The following SPNS1 variants were observed in gnomAD, a reference collection of about 807,000 sequenced individuals.
SPNS1 encodes protein spinster homolog 1.
A neutral mutation model predicts 50.3 loss-of-function variants in SPNS1; 22 were observed. That is an observed-to-expected ratio of 0.44 (90% CI 0.31 to 0.62). The LOEUF (loss-of-function observed/expected upper bound fraction) is 0.62, where lower values mean the gene tolerates loss of function less well. SPNS1 is among the 20% of genes least tolerant of loss of function. The pLI, the probability that SPNS1 is intolerant of heterozygous loss-of-function variation, is 0.07. For missense variants in SPNS1, 576 were observed against 728.6 expected, an observed-to-expected ratio of 0.79 and a Z score of 2.41; for synonymous variants, 295 against 317.4, an observed-to-expected ratio of 0.93 and a Z score of 0.75.
In SPNS1 at chr16:28,984,468, G is replaced by C. The variant is rs1965689806; in HGVS notation, c.*169G>C. On this transcript the variant is annotated 3_prime_UTR_variant, in exon 12 of 12. Coordinates refer to ENST00000311008, the MANE Select transcript of SPNS1 (RefSeq NM_032038.3). ...GCTCAGGGGAGGAGGTGGGGGTCCA[G>C]GAGGGGGATCCCTCTCCACAGGGGC... The C allele has an allele frequency of 2.7e-6, 2 of 740,390 alleles. No homozygotes were observed. The highest frequency in any genetic ancestry group is 1.5e-5 in the South Asian group (1 of 67,332). The allele number at this position is 740,390 out of a possible 1,614,324, so 45.9% of individuals were successfully genotyped here. A position where few individuals can be genotyped will look rare whatever the true frequency, so the allele number is the denominator to read the frequency against.
chr16:28,982,773 A>T, intron 8 of SPNS1, 84 bp from the exon 9 acceptor site: 1 of 1,479,248 alleles, frequency 6.8e-7, no homozygotes, highest in African/African-American at 1.4e-5. Flanking sequence ...GGATTAAATT[A>T]GTTAATAGAT....
rs1232361364 is a variant in SPNS1 at position 28,974,810 on chromosome 16, C to G, written c.-342C>G. On this transcript the variant is annotated 5_prime_UTR_variant, in exon 1 of 12. Coordinates refer to ENST00000311008, the MANE Select transcript of SPNS1 (RefSeq NM_032038.3). ...CGGCTTTAAGCAACATGGCGGCTGCCGTGGTGCAGCGCCCGGGCTGAGCGA... is the reference window on the plus strand; with the variant it reads ...CGGCTTTAAGCAACATGGCGGCTGCGGTGGTGCAGCGCCCGGGCTGAGCGA... 7.8e-6 allele frequency: 12 copies of G among 1,535,604 alleles called. No homozygotes were observed. The highest frequency in any genetic ancestry group is 5.9e-5 in the Admixed American group (3 of 50,958).
Position 28,983,032 on chromosome 16 carries a change from A to G in SPNS1, c.1221+110A>G. On this transcript the variant is annotated intron_variant, in intron 9 of 11. Coordinates refer to ENST00000311008, the MANE Select transcript of SPNS1 (RefSeq NM_032038.3). The surrounding 1 kb of genome is among the most constrained non-coding windows in gnomAD (Gnocchi z 5.4). ...GCCCAGCCTCAACCTACCTTCTGCA[A>G]TAAATAACATCTGTAGCAGACCCCC... is the stretch of plus-strand genomic sequence containing the variant. 3.0e-6 allele frequency: 4 copies of G among 1,330,632 alleles called. No homozygotes were observed. The highest frequency in any genetic ancestry group is 3.5e-5 in the Admixed American group (2 of 56,368). 82.4% of individuals were successfully genotyped at this position (1,330,632 alleles called of 1,614,324 possible).
chr16:28,975,208 G>A lies in SPNS1; in HGVS notation c.57G>A (p.Gly19=). The A allele has an allele frequency of 4.0e-6, 6 of 1,508,004 alleles. No individual in the cohort carries two copies. The highest frequency in any genetic ancestry group is 5.3e-6 in the Non-Finnish European group (6 of 1,126,678). 93.4% of individuals were successfully genotyped at this position (1,508,004 alleles called of 1,614,324 possible). The change falls in exon 1 of 12, where the codon GGG becomes GGA. Residue 19 remains glycine (G), a synonymous_variant. Coordinates refer to ENST00000311008, the MANE Select transcript of SPNS1 (RefSeq NM_032038.3). ...GCCAGGCGGATGACCCGGACGACGG[G>A]CCAGTGCCTGGCACCCCGGGGTTGC... ...FLSQADDPDD[G]PVPGTPGLPG...
At chr16:28,975,436 G>T (rs538183606) in intron 1 of SPNS1, 44 bp downstream of exon 1, 1 of 1,614,258 alleles carries the variant, frequency 6.2e-7, no homozygotes, top group Admixed American at 1.7e-5. Context: ...GGAGAGGGGA[G>T]CCAGGGTCCC....
chr16:28,979,951 A>G (rs1188387664), intron 5 of SPNS1: 1 of 163,124 alleles, frequency 6.1e-6, no homozygotes, highest in African/African-American at 2.5e-5. Context: ...TGAACCCAGG[A>G]GGCGGAGGTT....
At position 28,981,490 on chromosome 16, in the gene SPNS1, G is replaced by C; in HGVS notation, c.684G>C (p.Val228=). Residue 228 remains valine (V), a synonymous_variant, in exon 6 of 12, where the codon GTG becomes GTC. Transcript: ENST00000311008. The surrounding 1 kb of genome is among the most constrained non-coding windows in gnomAD (Gnocchi z 4.2). ...WALRVTPGLG[V]VAVLLLFLVV... is the part of the protein sequence containing the mutation. ...CCCAGGTGACACCGGGTCTAGGAGT[G>C]GTGGCCGTTCTGCTGCTGTTCCTGG... The C allele has an allele frequency of 6.2e-7, 1 of 1,614,116 alleles. No individual in the cohort carries two copies. The highest frequency in any genetic ancestry group is 8.5e-7 in the Non-Finnish European group (1 of 1,180,010).
At position 28,983,196 on chromosome 16, in the gene SPNS1, T is replaced by C; in HGVS notation, c.1226T>C (p.Val409Ala). Residue 409 changes from valine (V) to alanine (A), a missense_variant, in exon 10 of 12, where the codon GTG becomes GCG. Val to Ala is a moderately conservative substitution (Grantham distance 64). Coordinates refer to ENST00000311008, the MANE Select transcript of SPNS1 (RefSeq NM_032038.3). The surrounding 1 kb of genome is among the most constrained non-coding windows in gnomAD (Gnocchi z 5.4). ...GCTCCACCAACTCCTCCACAGTACG[T>C]GGTGATCCCTACCCGACGCTCCACC... Reference protein sequence around the residue: ...WAIVADILLYVVIPTRRSTAE... With the variant: ...WAIVADILLYAVIPTRRSTAE... 1 of 1,611,024 alleles carries C rather than the reference T, an allele frequency of 6.2e-7. No individual in the cohort carries two copies. Among genetic ancestry groups the C allele is most frequent in the Non-Finnish European group, 8.5e-7 (1 of 1,178,112 alleles).
chr16:28,980,890 C>G (rs1381695252), intron 5 of SPNS1, among the ~76,000 whole-genome samples: 1 of 152,076 alleles, frequency 6.6e-6, no homozygotes, highest in Non-Finnish European at 1.5e-5. Context: ...AAACCGTAAG[C>G]CCCCTAAAGG....
chr16:28,983,323 C>A lies in SPNS1; in HGVS notation c.1320+33C>A. The A allele has an allele frequency of 6.4e-7, 1 of 1,563,514 alleles. No homozygotes were observed. Among genetic ancestry groups the A allele is most frequent in the Non-Finnish European group, 8.8e-7 (1 of 1,134,076 alleles). On this transcript the variant is annotated intron_variant, in intron 10 of 11. Coordinates refer to ENST00000311008, the MANE Select transcript of SPNS1 (RefSeq NM_032038.3). This position sits in a 1 kb window ranked among gnomAD's most constrained non-coding sequence, Gnocchi z 5.4. Reference sequence around the variant, plus strand: ...TTATTTCTTGGCTGGCATGGGGTGGCTGGTGTCCTGAGCCTGGGCTGGATC... The same window carrying A: ...TTATTTCTTGGCTGGCATGGGGTGGATGGTGTCCTGAGCCTGGGCTGGATC...
At position 28,975,229 on chromosome 16, in the gene SPNS1, G is replaced by C; in HGVS notation, c.78G>C (p.Gly26=). The C allele has an allele frequency of 6.6e-7, 1 of 1,521,884 alleles. No individual in the cohort carries two copies. Among genetic ancestry groups the C allele is most frequent in the Non-Finnish European group, 8.8e-7 (1 of 1,132,982 alleles). The allele number at this position is 1,521,884 out of a possible 1,614,324, so 94.3% of individuals were successfully genotyped here. ...PDDGPVPGTP[G]LPGSTGNPKS... ...ACGGGCCAGTGCCTGGCACCCCGGGGTTGCCAGGGTCCACGGGGAACCCGA... is the reference window on the plus strand; with the variant it reads ...ACGGGCCAGTGCCTGGCACCCCGGGCTTGCCAGGGTCCACGGGGAACCCGA... Residue 26 remains glycine, a synonymous_variant, in exon 1 of 12, where the codon GGG becomes GGC. Coordinates refer to ENST00000311008, the MANE Select transcript of SPNS1 (RefSeq NM_032038.3).
intron 4 of SPNS1, 31 bp from the exon 5 acceptor site, chr16:28,979,373 TC>T: frequency 6.2e-7 from 1 of 1,613,836 alleles, no homozygotes; most frequent in Non-Finnish European, 8.5e-7. Flanking sequence ...TGACTGGCTG[TC>T]CCCCCTTTTT....
At position 28,981,455 on chromosome 16, in the gene SPNS1, C is replaced by T. The variant is rs754405628; in HGVS notation, c.664-15C>T. ...GTCTCTCCCTGTGCCTATCCTGAAG[C>T]CCTCTGTCTCCCAGGTGACACCGGG... On this transcript the variant is annotated splice_polypyrimidine_tract_variant and intron_variant, in intron 5 of 11. Coordinates refer to ENST00000311008, the MANE Select transcript of SPNS1 (RefSeq NM_032038.3). This position sits in a 1 kb window ranked among gnomAD's most constrained non-coding sequence, Gnocchi z 4.2. 7.4e-6 allele frequency: 12 copies of T among 1,613,818 alleles called. No homozygotes were observed. The highest frequency in any genetic ancestry group is 1.7e-5 in the Admixed American group (1 of 60,010).
At chr16:28,977,866 A>C in intron 2 of SPNS1, 42 bp from the exon 3 acceptor site, 2 of 1,603,108 alleles carry the variant, frequency 1.2e-6, no homozygotes. Context: ...AGTGGGAGGT[A>C]GGGGTACCTG....
In SPNS1 at chr16:28,981,887, C is replaced by T. The variant is rs1229460647; in HGVS notation, c.810-14C>T. 3.1e-6 allele frequency: 5 copies of T among 1,613,852 alleles called. No homozygotes were observed. Among genetic ancestry groups the T allele is most frequent in the Admixed American group, 3.3e-5 (2 of 60,024 alleles). ...TCCGTGGGGTCTTACTCTCTCCCTC[C>T]CAACTATCTGCAGTCCTAGTTTCGT... On this transcript the variant is annotated splice_polypyrimidine_tract_variant and intron_variant, in intron 6 of 11. Coordinates refer to ENST00000311008, the MANE Select transcript of SPNS1 (RefSeq NM_032038.3). This position sits in a 1 kb window ranked among gnomAD's most constrained non-coding sequence, Gnocchi z 4.2.
At position 28,984,194 on chromosome 16, in the gene SPNS1, T is replaced by TC. The variant is rs1177901096; in HGVS notation, c.1493-5dup. On this transcript the variant is annotated splice_polypyrimidine_tract_variant and intron_variant, in intron 11 of 11. Transcript: ENST00000311008. ...ATCCAGCTCACCCTGGCTCTGACCC[T>TC]CCCCCCTCAGGCCTGCTGCACGAAG... 3.9e-6 allele frequency: 6 copies of TC among 1,550,462 alleles called. No homozygotes were observed. Among genetic ancestry groups the TC allele is most frequent in the Admixed American group, 1.9e-5 (1 of 51,394 alleles).
chr16:28,975,599 C>A, intron 2 of SPNS1, 42 bp downstream of exon 2: 1 of 1,610,006 alleles, frequency 6.2e-7, no homozygotes, highest in Non-Finnish European at 8.5e-7. Context: ...GCTCCTCCTT[C>A]TGTTCTGTCT....
rs1567519295 is a variant in SPNS1 at position 28,974,866 on chromosome 16, G to GC, written c.-286_-285insC. 7.8e-6 allele frequency: 12 copies of GC among 1,535,306 alleles called. No homozygotes were observed. The East Asian group carries it at 2.9e-4, about 37-fold the overall frequency. Reference sequence around the variant, plus strand: ...AGTGCAGCGGGCTCCTACCCCGGGTGAGGGGTGGCCTCCGCGTGGGATCGT... The same window carrying GC: ...AGTGCAGCGGGCTCCTACCCCGGGTGCAGGGGTGGCCTCCGCGTGGGATCGT... On this transcript the variant is annotated 5_prime_UTR_variant, in exon 1 of 12. The change abolishes the stop of an existing upstream ORF in the 5' untranslated region. Transcript: ENST00000311008.
rs2141681770 is a variant in SPNS1, at chr16:28,984,447, A to C, written c.*148A>C. ...CTCCCAGACACTACCTGGGTAGCTC[A>C]GGGGAGGAGGTGGGGGTCCAGGAGG... On this transcript the variant is annotated 3_prime_UTR_variant, in exon 12 of 12. Coordinates refer to ENST00000311008, the MANE Select transcript of SPNS1 (RefSeq NM_032038.3). 25 of 804,908 alleles carry C rather than the reference A, an allele frequency of 3.1e-5. No homozygotes were observed. Among genetic ancestry groups the C allele is most frequent in the Middle Eastern group, 2.2e-4 (1 of 4,562 alleles). 49.9% of individuals were successfully genotyped at this position (804,908 alleles called of 1,614,324 possible).
Sources: allele counts gnomAD v4.1 joint callset (sites outside exome capture counted in the v4.1 genomes callset), GRCh38; gene constraint gnomAD v4.1.1; non-coding constraint Gnocchi (gnomAD v3.1); transcripts MANE v1.5; gene names NCBI Gene and HGNC (gene_info 2026-07-23, HGNC 2026-07-21).